Variants in TNIK observed in about 807,000 individuals in gnomAD.
The protein encoded by TNIK is TRAF2 and NCK-interacting protein kinase.
Under a neutral mutation model 191.3 loss-of-function variants are expected in TNIK, and 49 were observed. That is an observed-to-expected ratio of 0.26 (90% CI 0.20 to 0.32). The LOEUF is 0.32. Ranked by LOEUF, TNIK falls within the 10% of genes least tolerant of loss-of-function variation. The pLI, the probability that TNIK is intolerant of heterozygous loss-of-function variation, is 1.00. For missense variants in TNIK, 1,155 were observed against 1,702.3 expected, an observed-to-expected ratio of 0.68 and a Z score of 5.66; for synonymous variants, 594 against 600.9, an observed-to-expected ratio of 0.99 and a Z score of 0.17.
chr3:171,188,299 T>G (rs1330792556), intron 7 of TNIK, among the ~76,000 whole-genome samples: 2 of 152,174 alleles, frequency 1.3e-5, no homozygotes, highest in Non-Finnish European at 2.9e-5. Flanking sequence ...TAAGTCAGAT[T>G]ATTCTCAATC....
chr3:171,426,382 A>G (rs1359860932), intron 1 of TNIK, among the ~76,000 whole-genome samples: 1 of 128,670 alleles, frequency 7.8e-6, no homozygotes, highest in East Asian at 2.4e-4. Flanking sequence ...AGGAAGGGGA[A>G]CATCACACAC....
At chr3:171,327,394 G>A (rs1364791713) in intron 2 of TNIK, among the ~76,000 whole-genome samples, 13 of 152,200 alleles carry the variant, frequency 8.5e-5, no homozygotes, top group African/African-American at 3.1e-4. Context: ...TACCTTTCCC[G>A]GTCCCCTCAT....
chr3:171,350,201 A>G (rs1338916862), intron 2 of TNIK, among the ~76,000 whole-genome samples: 1 of 152,206 alleles, frequency 6.6e-6, no homozygotes, highest in Non-Finnish European at 1.5e-5. Flanking sequence ...CAGAATCAAA[A>G]TTTGAACTCA....
At chr3:171,270,859 G>A (rs1000277758) in intron 2 of TNIK, among the ~76,000 whole-genome samples, 1 of 152,202 alleles carries the variant, frequency 6.6e-6, no homozygotes, top group Non-Finnish European at 1.5e-5. Context: ...TGAGTTAACA[G>A]ATGTAAAGTG....
rs535812853 is a variant in TNIK, at chr3:171,140,655, T to C, written c.1222-146A>G. 8.6e-6 allele frequency: 6 copies of C among 695,470 alleles called. No homozygotes were observed. The East Asian group carries it at 1.6e-4, about 19-fold the overall frequency. 43.1% of individuals were successfully genotyped at this position (695,470 alleles called of 1,614,324 possible). A position where few individuals can be genotyped will look rare whatever the true frequency, so the allele number is the denominator to read the frequency against. On this transcript the variant is annotated intron_variant, in intron 12 of 32. Transcript: ENST00000436636. ...TCCAAGGTTCTTCTCTCCGGGGCTGTTGGAGGGTACACTGGCAGGGAGCGG... is the reference window on the plus strand; with the variant it reads ...TCCAAGGTTCTTCTCTCCGGGGCTGCTGGAGGGTACACTGGCAGGGAGCGG...
chr3:171,351,989 T>C (rs964662493), intron 2 of TNIK, among the ~76,000 whole-genome samples: 2 of 152,206 alleles, frequency 1.3e-5, no homozygotes, highest in African/African-American at 4.8e-5. Flanking sequence ...GGAGATGGCC[T>C]AATCTCATGC....
intron 2 of TNIK, among the ~76,000 whole-genome samples, chr3:171,325,590 T>C (rs1363361564): frequency 6.6e-6 from 1 of 152,198 alleles, no homozygotes; most frequent in South Asian, 2.1e-4. Flanking sequence ...TACTTTTAGT[T>C]ATGGAACACA....
chr3:171,158,704 G>GAC (rs1264930587), intron 11 of TNIK, among the ~76,000 whole-genome samples: 3 of 152,130 alleles, frequency 2.0e-5, no homozygotes, highest in Admixed American at 1.3e-4. Context: ...CTTCTTATGG[G>GAC]ACACACATAC....
intron 1 of TNIK, among the ~76,000 whole-genome samples, chr3:171,414,013 C>T (rs1357029379): frequency 6.6e-6 from 1 of 152,190 alleles, no homozygotes; most frequent in East Asian, 1.9e-4. Context: ...TCCCCCACAG[C>T]ACCAGCTATC....
At chr3:171,248,119 T>C (rs551541378) in intron 2 of TNIK, among the ~76,000 whole-genome samples, 1 of 151,996 alleles carries the variant, frequency 6.6e-6, no homozygotes, top group Non-Finnish European at 1.5e-5. Flanking sequence ...GGGAAGAAGA[T>C]GAGTTTGAGA....
At chr3:171,426,500 C>T (rs377526943) in intron 1 of TNIK, among the ~76,000 whole-genome samples, 5 of 151,862 alleles carry the variant, frequency 3.3e-5, no homozygotes, top group East Asian at 1.9e-4. Flanking sequence ...CACATGTATA[C>T]ATATGTAACA....
At chr3:171,186,117 G>T (rs779218709) in intron 7 of TNIK, among the ~76,000 whole-genome samples, 2 of 152,132 alleles carry the variant, frequency 1.3e-5, no homozygotes, top group Admixed American at 6.5e-5. Context: ...ATACACAATG[G>T]ATAGTCTATA....
chr3:171,182,508 A>C (rs1473491588), intron 7 of TNIK, among the ~76,000 whole-genome samples: 2 of 152,176 alleles, frequency 1.3e-5, no homozygotes, highest in African/African-American at 2.4e-5. Context: ...ATTTTGGCAG[A>C]AGCTGGATAA....
At chr3:171,170,692 A>C (rs903948993) in intron 9 of TNIK, among the ~76,000 whole-genome samples, 3 of 152,202 alleles carry the variant, frequency 2.0e-5, no homozygotes, top group African/African-American at 7.2e-5. Context: ...CATTGCCCCC[A>C]GCAATCTCTG....
chr3:171,260,397 T>C (rs959756762), intron 2 of TNIK, among the ~76,000 whole-genome samples: 1 of 152,088 alleles, frequency 6.6e-6, no homozygotes, highest in African/African-American at 2.4e-5. Flanking sequence ...CTGAATAACT[T>C]TTTTCCCTAA....
intron 15 of TNIK, 32 bp from the exon 16 acceptor site, chr3:171,128,910 CAG>C (rs1728873766): frequency 9.9e-7 from 1 of 1,013,658 alleles, no homozygotes; most frequent in African/African-American, 2.1e-5. Flanking sequence ...AAAAAAAAGA[CAG>C]CCTCAATGTA....
intron 15 of TNIK, 113 bp downstream of exon 15, chr3:171,138,078 T>C (rs73169771): frequency 3.0e-6 from 3 of 997,078 alleles, no homozygotes; most frequent in Non-Finnish European, 2.7e-6. Context: ...ATGTGTCTTA[T>C]GATGAATTGT....
chr3:171,184,584 G>A (rs1049363426), intron 7 of TNIK, among the ~76,000 whole-genome samples: 6 of 152,112 alleles, frequency 3.9e-5, no homozygotes, highest in Non-Finnish European at 7.4e-5. Context: ...CCTTCTGATC[G>A]AATAGGGAAG....
At chr3:171,236,247 A>G (rs527312769) in intron 2 of TNIK, among the ~76,000 whole-genome samples, 1 of 152,324 alleles carries the variant, frequency 6.6e-6, no homozygotes, top group South Asian at 2.1e-4. Context: ...ATCAGGGGCT[A>G]CACCTGGGAG....
Sources: gnomAD v4.1 joint callset for allele counts (sites outside exome capture counted in the v4.1 genomes callset) on GRCh38, gnomAD v4.1.1 for gene constraint, MANE v1.5 for transcripts, NCBI Gene and HGNC (gene_info 2026-07-23, HGNC 2026-07-21) for gene names.